The following SEMA5A variants were observed in gnomAD, a reference collection of about 807,000 sequenced individuals.
SEMA5A encodes the protein semaphorin-5A.
A neutral mutation model predicts 135.5 loss-of-function variants in SEMA5A; 55 were observed. That is an observed-to-expected ratio of 0.41 (90% CI 0.33 to 0.51). The LOEUF (loss-of-function observed/expected upper bound fraction) is 0.51. Among genes scored for constraint, SEMA5A ranks in the 20% least tolerant of loss-of-function variants. SEMA5A has a pLI of 0.37. For missense variants in SEMA5A, 1,290 were observed against 1,419.9 expected (o/e 0.91, Z 1.47); for synonymous variants, 580 against 546.5 (o/e 1.06, Z -0.85).
rs757884713 is a variant in SEMA5A at position 9,446,255 on chromosome 5, A to G, written c.-174-8403T>C. Among the ~76,000 whole-genome samples the G allele has an allele frequency of 2.0e-5, 3 of 152,306 alleles. No individual in the cohort carries two copies. In the South Asian group the frequency reaches 6.2e-4, roughly 32 times the overall value. ...AATAAAGCTGGAGTAAACACTTCCT[A>G]TTTCATTACTCTCACATGAGACAAT... On this transcript the variant is annotated intron_variant, in intron 1 of 22. Coordinates refer to ENST00000382496, the MANE Select transcript of SEMA5A (RefSeq NM_003966.3).
chr5:9,515,785 T>C (rs1736477971), intron 1 of SEMA5A, among the ~76,000 whole-genome samples: 1 of 152,158 alleles, frequency 6.6e-6, no homozygotes. Context: ...AAATCTGAAA[T>C]TCACTTAATC....
In SEMA5A at chr5:9,108,161, A is replaced by C; in HGVS notation, c.2052T>G (p.Pro684=). The change falls in exon 16 of 23, where the codon CCT becomes CCG. Residue 684 remains proline, a synonymous_variant. Coordinates refer to ENST00000382496, the MANE Select transcript of SEMA5A (RefSeq NM_003966.3). ...QARRRICENG[P]DCAGCNVEYQ... is the part of the protein sequence containing the mutation. ...TCACCACATTGCAGCCTGCACAGTCAGGCCCATTCTCACAGATCCTGCGGC... is the reference window on the plus strand; with the variant it reads ...TCACCACATTGCAGCCTGCACAGTCCGGCCCATTCTCACAGATCCTGCGGC... 2.5e-6 allele frequency: 4 copies of C among 1,614,120 alleles called. No homozygotes were observed. Among genetic ancestry groups the C allele is most frequent in the Non-Finnish European group, 3.4e-6 (4 of 1,179,990 alleles).
intron 5 of SEMA5A, among the ~76,000 whole-genome samples, chr5:9,290,138 T>G (rs1751007547): frequency 6.6e-6 from 1 of 152,156 alleles, no homozygotes; most frequent in Non-Finnish European, 1.5e-5. Flanking sequence ...TCTGAGATTT[T>G]GGGGGCACCT....
chr5:9,329,573 A>T (rs11951368), intron 4 of SEMA5A, among the ~76,000 whole-genome samples: 77 of 152,222 alleles, frequency 5.1e-4, no homozygotes, highest in Non-Finnish European at 9.8e-4. Flanking sequence ...TGAAAGAAGA[A>T]CTACATGAAC....
At chr5:9,463,551 G>T (rs999446493) in intron 1 of SEMA5A, among the ~76,000 whole-genome samples, 1 of 151,970 alleles carries the variant, frequency 6.6e-6, no homozygotes, top group Non-Finnish European at 1.5e-5. Flanking sequence ...TAGAAATAAA[G>T]AAGCCAAAAT....
intron 5 of SEMA5A, among the ~76,000 whole-genome samples, chr5:9,289,991 A>C (rs1224350768): frequency 2.6e-5 from 4 of 152,240 alleles, no homozygotes; most frequent in Non-Finnish European, 5.9e-5. Context: ...GAGCATCATC[A>C]TTAACAACCA....
chr5:9,538,818 C>A (rs907310727), intron 1 of SEMA5A, among the ~76,000 whole-genome samples: 72 of 152,162 alleles, frequency 4.7e-4, no homozygotes, highest in Admixed American at 4.6e-3. Flanking sequence ...CTGGCCCTGG[C>A]GCTAAGCTTT....
At chr5:9,463,159 A>T (rs765106543) in intron 1 of SEMA5A, among the ~76,000 whole-genome samples, 4 of 152,180 alleles carry the variant, frequency 2.6e-5, no homozygotes, top group African/African-American at 4.8e-5. Flanking sequence ...TTGAGCAAGA[A>T]AGTCTTATTG....
intron 1 of SEMA5A, among the ~76,000 whole-genome samples, chr5:9,543,533 G>A (rs540656728): frequency 1.3e-5 from 2 of 152,244 alleles, no homozygotes; most frequent in South Asian, 2.1e-4. Flanking sequence ...CAGGGATCTC[G>A]CAGCTGTTTG....
In SEMA5A at chr5:9,204,149, C is replaced by T. The variant is rs946259870; in HGVS notation, c.647-1909G>A. Among the ~76,000 whole-genome samples the T allele has an allele frequency of 6.6e-6, 1 of 152,168 alleles. No homozygotes were observed. Among genetic ancestry groups the T allele is most frequent in the African/African-American group, 2.4e-5 (1 of 41,428 alleles). ...CTAAATTATTTTGGAATGGGTCCTG[C>T]ACCCTGGCTAAACAAAACTAGAGTT... On this transcript the variant is annotated intron_variant, in intron 8 of 22. Transcript: ENST00000382496. This position sits in a 1 kb window ranked among gnomAD's most constrained non-coding sequence, Gnocchi z 6.4.
At chr5:9,203,515 A>C (rs895800042) in intron 8 of SEMA5A, among the ~76,000 whole-genome samples, 11 of 152,338 alleles carry the variant, frequency 7.2e-5, no homozygotes, top group African/African-American at 2.6e-4. Flanking sequence ...GAAGTGCAGA[A>C]GTTGACTTCA....
At chr5:9,146,368 TTG>T (rs552392790) in intron 12 of SEMA5A, among the ~76,000 whole-genome samples, 191 of 152,352 alleles carry the variant, frequency 1.3e-3, no homozygotes, top group African/African-American at 4.5e-3. Context: ...TACATTTTTG[TTG>T]TGTCATACAG....
intron 18 of SEMA5A, among the ~76,000 whole-genome samples, chr5:9,054,764 G>A (rs960863889): frequency 1.3e-5 from 2 of 152,160 alleles, no homozygotes; most frequent in African/African-American, 4.8e-5. Context: ...CTGACAGTGG[G>A]ATAGAGAAAA....
intron 2 of SEMA5A, among the ~76,000 whole-genome samples, chr5:9,421,366 G>A (rs1250850072): frequency 6.6e-6 from 1 of 152,094 alleles, no homozygotes; most frequent in Non-Finnish European, 1.5e-5. Context: ...ATACTTGATT[G>A]GTACACATTC....
intron 5 of SEMA5A, among the ~76,000 whole-genome samples, chr5:9,254,786 G>T (rs1192626620): frequency 1.3e-5 from 2 of 152,156 alleles, no homozygotes; most frequent in Non-Finnish European, 2.9e-5. Flanking sequence ...AGATTCAAAT[G>T]TGATCAGATG....
intron 1 of SEMA5A, among the ~76,000 whole-genome samples, chr5:9,508,579 A>G (rs903647189): frequency 8.5e-5 from 13 of 152,098 alleles, no homozygotes; most frequent in African/African-American, 2.9e-4. Context: ...TCCTTTCAAC[A>G]TGCAGCTCCC....
At chr5:9,397,215 C>A (rs779407688) in intron 2 of SEMA5A, among the ~76,000 whole-genome samples, 27 of 152,230 alleles carry the variant, frequency 1.8e-4, no homozygotes. Flanking sequence ...CCCACATATA[C>A]ACATCCACAC....
rs761193630 is a variant in SEMA5A, at chr5:9,379,986, A to G, written c.-40T>C. 5 of 1,575,560 alleles carry G rather than the reference A, an allele frequency of 3.2e-6. No homozygotes were observed. The highest frequency in any genetic ancestry group is 1.1e-5 in the South Asian group (1 of 87,484). On this transcript the variant is annotated 5_prime_UTR_variant, in exon 3 of 23. It removes the in-frame stop codon of an upstream open reading frame in the 5' UTR. Transcript: ENST00000382496. ...CTCTGACTCTGGGCACGTGTCTTCTAAACAGAAGCTCTTCTTCTCCTCATG... is the reference window on the plus strand; with the variant it reads ...CTCTGACTCTGGGCACGTGTCTTCTGAACAGAAGCTCTTCTTCTCCTCATG...
At chr5:9,369,161 T>A (rs1404625461) in intron 3 of SEMA5A, among the ~76,000 whole-genome samples, 1 of 152,162 alleles carries the variant, frequency 6.6e-6, no homozygotes. Flanking sequence ...TTTTAAAAAT[T>A]AGATTGTTTT....
Sources: allele counts gnomAD v4.1 joint callset (sites outside exome capture counted in the v4.1 genomes callset), GRCh38; gene constraint gnomAD v4.1.1; non-coding constraint Gnocchi (gnomAD v3.1); transcripts MANE v1.5; gene names NCBI Gene and HGNC (gene_info 2026-07-23, HGNC 2026-07-21).